Variants in IGF1R observed in about 807,000 individuals in gnomAD.
IGF1R encodes insulin-like growth factor 1 receptor.
A neutral mutation model predicts 144.6 loss-of-function variants in IGF1R; 44 were observed. The observed-to-expected ratio is 0.30, with a 90% confidence interval of 0.24 to 0.39. The LOEUF (loss-of-function observed/expected upper bound fraction) is 0.39, where lower values mean the gene tolerates loss of function less well. Ranked by LOEUF, IGF1R falls within the 10% of genes least tolerant of loss-of-function variation. The pLI is 1.00. For synonymous variants in IGF1R, 795 were observed against 722.8 expected, an observed-to-expected ratio of 1.10 and a Z score of -1.60; for missense variants, 1,355 against 1,833.7, an observed-to-expected ratio of 0.74 and a Z score of 4.77.
chr15:98,899,441 G>A (rs765310370), intron 4 of IGF1R, 36 bp from the exon 5 acceptor site: 8 of 1,611,328 alleles, frequency 5.0e-6, no homozygotes, highest in Non-Finnish European at 6.8e-6. Context: ...CTTACACCAA[G>A]TGAGCACACA....
intron 2 of IGF1R, among the ~76,000 whole-genome samples, chr15:98,866,159 A>G (rs45467302): frequency 5.9e-4 from 90 of 152,322 alleles, no homozygotes; most frequent in African/African-American, 2.0e-3. Flanking sequence ...CGAGCACCCC[A>G]TGACTCAGAG....
rs200870187 is a variant in IGF1R, at chr15:98,957,326, G to C, written c.3988G>C (p.Gly1330Arg). 2 of 1,612,048 alleles carry C rather than the reference G, an allele frequency of 1.2e-6. No individual in the cohort carries two copies. The highest frequency in any genetic ancestry group is 2.2e-5 in the South Asian group (2 of 91,022). Residue 1330 changes from glycine (G) to arginine (R), a missense_variant, in exon 21 of 21, where the codon GGC becomes CGC. By Grantham distance (125) the Gly-to-Arg change is moderately radical. Around this residue, in one of 7 missense-constraint regions of IGF1R, gnomAD observed 219 missense variants for 188.8 expected, o/e 1.16. Transcript: ENST00000650285. ...AGGACACAAGGCCGAGAACGGCCCC[G>C]GCCCTGGGGTGCTGGTCCTCCGCGC... ...HSGHKAENGP[G>R]PGVLVLRASF...
intron 2 of IGF1R, among the ~76,000 whole-genome samples, chr15:98,709,852 G>T (rs554207827): frequency 6.6e-6 from 1 of 152,328 alleles, no homozygotes; most frequent in Admixed American, 6.5e-5. Flanking sequence ...TCATTAAGTG[G>T]AGAGTTGTTC....
At chr15:98,783,608 T>C (rs1334212545) in intron 2 of IGF1R, among the ~76,000 whole-genome samples, 1 of 152,256 alleles carries the variant, frequency 6.6e-6, no homozygotes, top group East Asian at 1.9e-4. Flanking sequence ...TTGTAGTTTT[T>C]GTAGTCCTGT....
chr15:98,911,556 G>A, intron 7 of IGF1R, 115 bp downstream of exon 7: 1 of 1,362,402 alleles, frequency 7.3e-7, no homozygotes, highest in Non-Finnish European at 1.0e-6. Context: ...GAGTCCCCAG[G>A]GAGAGCCACG....
intron 2 of IGF1R, among the ~76,000 whole-genome samples, chr15:98,743,214 A>G (rs1246835969): frequency 3.3e-5 from 5 of 152,224 alleles, no homozygotes; most frequent in African/African-American, 9.6e-5. Flanking sequence ...CTTTTAAAAA[A>G]CAATTTGTTG....
chr15:98,709,799 A>G (rs1196197922), intron 2 of IGF1R, among the ~76,000 whole-genome samples: 1 of 152,168 alleles, frequency 6.6e-6, no homozygotes, highest in African/African-American at 2.4e-5. Flanking sequence ...GATGTTTTGA[A>G]AACTCATAAG....
intron 2 of IGF1R, among the ~76,000 whole-genome samples, chr15:98,853,763 C>A (rs1198886976): frequency 6.6e-6 from 1 of 152,208 alleles, no homozygotes; most frequent in Non-Finnish European, 1.5e-5. Context: ...CCGTCTCAGC[C>A]CCTGCGGCCC....
intron 18 of IGF1R, among the ~76,000 whole-genome samples, chr15:98,940,766 T>C (rs933680684): frequency 1.3e-5 from 2 of 152,178 alleles, no homozygotes; most frequent in African/African-American, 4.8e-5. Flanking sequence ...GCTAGAGGTA[T>C]TGAAATGGAA....
At chr15:98,789,341 G>C (rs2056077195) in intron 2 of IGF1R, among the ~76,000 whole-genome samples, 1 of 152,164 alleles carries the variant, frequency 6.6e-6, no homozygotes, top group Non-Finnish European at 1.5e-5. Context: ...CGGCTGGCTA[G>C]CCTTTTTTTA....
At chr15:98,923,731 G>C (rs909954811) in intron 11 of IGF1R, 145 bp from the exon 12 acceptor site, 17 of 714,336 alleles carry the variant, frequency 2.4e-5, no homozygotes, top group Non-Finnish European at 3.8e-5. Context: ...CTGCCCGCGT[G>C]GATGGGGGCG....
intron 2 of IGF1R, among the ~76,000 whole-genome samples, chr15:98,817,334 TAATAATAGTA>T (rs1213575651): frequency 6.7e-6 from 1 of 148,160 alleles, no homozygotes. Flanking sequence ...ATAATAATAA[TAATAATAGTA>T]AGAATACTGG....
At chr15:98,923,091 C>T (rs920991147) in intron 11 of IGF1R, among the ~76,000 whole-genome samples, 8 of 152,306 alleles carry the variant, frequency 5.3e-5, no homozygotes, top group African/African-American at 1.7e-4. Context: ...TGCCTTGAGG[C>T]AGTCGTCAGG....
At chr15:98,926,246 T>C (rs1278786811) in intron 13 of IGF1R, among the ~76,000 whole-genome samples, 1 of 152,210 alleles carries the variant, frequency 6.6e-6, no homozygotes, top group Admixed American at 6.5e-5. Flanking sequence ...ATGATCTTTC[T>C]GATAATGCGG....
intron 2 of IGF1R, among the ~76,000 whole-genome samples, chr15:98,808,089 G>A (rs553643670): frequency 7.3e-4 from 111 of 152,310 alleles, no homozygotes; most frequent in Non-Finnish European, 8.8e-4. Flanking sequence ...AATTGTTTGG[G>A]AAAGGTACGT....
At chr15:98,661,455 C>T (rs1432341104) in intron 1 of IGF1R, among the ~76,000 whole-genome samples, 1 of 152,160 alleles carries the variant, frequency 6.6e-6, no homozygotes, top group Non-Finnish European at 1.5e-5. Flanking sequence ...ATATTTCTTG[C>T]AGAAAATGTA....
intron 1 of IGF1R, among the ~76,000 whole-genome samples, chr15:98,662,715 G>T (rs2052629954): frequency 6.6e-6 from 1 of 152,200 alleles, no homozygotes; most frequent in South Asian, 2.1e-4. Context: ...TCACGGAACT[G>T]CAGAATGGCT....
chr15:98,846,081 GAC>G, intron 2 of IGF1R, among the ~76,000 whole-genome samples: 1 of 152,266 alleles, frequency 6.6e-6, no homozygotes, highest in Non-Finnish European at 1.5e-5. Flanking sequence ...GGGAGTCTCT[GAC>G]ATCAGCTAAA....
intron 2 of IGF1R, among the ~76,000 whole-genome samples, chr15:98,848,002 C>T (rs1048727699): frequency 3.9e-5 from 6 of 152,080 alleles, no homozygotes; most frequent in African/African-American, 1.2e-4. Context: ...GGCTCAGTTA[C>T]TGGCCAGGAG....
Sources: allele counts gnomAD v4.1 joint callset (sites outside exome capture counted in the v4.1 genomes callset), GRCh38; gene constraint gnomAD v4.1.1; regional missense constraint gnomAD v4.1.1; transcripts MANE v1.5; gene names NCBI Gene and HGNC (gene_info 2026-07-23, HGNC 2026-07-21).